Variants in RALA observed in about 807,000 individuals in gnomAD.
RALA encodes ras-related protein Ral-A.
A neutral mutation model predicts 24.0 loss-of-function variants in RALA; 5 were observed. The ratio of observed to expected loss-of-function variants is 0.21; its 90% CI spans 0.11 to 0.44. RALA has a LOEUF of 0.44. Among genes scored for constraint, RALA ranks in the 20% least tolerant of loss-of-function variants. RALA has a pLI of 0.99. For missense variants in RALA, 95 were observed against 241.2 expected (o/e 0.39, Z 4.01); for synonymous variants, 77 against 83.8 (o/e 0.92, Z 0.44).
At chr7:39,637,565 T>C (rs1791705683) in intron 1 of RALA, among the ~76,000 whole-genome samples, 1 of 152,244 alleles carries the variant, frequency 6.6e-6, no homozygotes, top group Non-Finnish European at 1.5e-5. Context: ...TTTCATTTGT[T>C]CCCTCTGTTA....
At chr7:39,669,307 T>C (rs1299723688) in intron 1 of RALA, among the ~76,000 whole-genome samples, 1 of 152,022 alleles carries the variant, frequency 6.6e-6, no homozygotes, top group Non-Finnish European at 1.5e-5. Flanking sequence ...CCTCTCCCAA[T>C]GCCTAGCATA....
At chr7:39,686,869 T>A (rs1583749780) in intron 2 of RALA, 88 bp downstream of exon 2, 1 of 941,856 alleles carries the variant, frequency 1.1e-6, no homozygotes, top group East Asian at 2.5e-5. Context: ...GTATGGATTG[T>A]TTGAATCCTT....
intron 3 of RALA, among the ~76,000 whole-genome samples, chr7:39,693,473 C>T (rs7805581): frequency 0.23 from 35,439 of 152,006 alleles, 5,000 homozygotes; most frequent in African/African-American, 0.35. Context: ...ATGTAAATGA[C>T]GAGTTGATGG....
chr7:39,656,942 G>T (rs953337030), intron 1 of RALA, among the ~76,000 whole-genome samples: 1 of 151,898 alleles, frequency 6.6e-6, no homozygotes, highest in Non-Finnish European at 1.5e-5. Context: ...TTCCAGTTTT[G>T]TTTGTTTGTT....
At chr7:39,661,148 A>G (rs1479985572) in intron 1 of RALA, among the ~76,000 whole-genome samples, 2 of 152,198 alleles carry the variant, frequency 1.3e-5, no homozygotes, top group Non-Finnish European at 2.9e-5. Flanking sequence ...TATGGGGGAA[A>G]CTGCCCCCAT....
chr7:39,629,721 G>A (rs558294783), intron 1 of RALA, among the ~76,000 whole-genome samples: 59 of 152,096 alleles, frequency 3.9e-4, no homozygotes, highest in Middle Eastern at 3.4e-3. Context: ...TCAGCCTCCC[G>A]AGTAGCTGGG....
intron 1 of RALA, among the ~76,000 whole-genome samples, chr7:39,659,626 C>A (rs1218990118): frequency 6.6e-6 from 1 of 152,144 alleles, no homozygotes; most frequent in Admixed American, 6.5e-5. Context: ...GCATCTGTCT[C>A]CCTTCACTGC....
At chr7:39,680,669 A>G (rs1792578219) in intron 1 of RALA, among the ~76,000 whole-genome samples, 1 of 151,256 alleles carries the variant, frequency 6.6e-6, no homozygotes, top group East Asian at 1.9e-4. Flanking sequence ...TCTTTGATCT[A>G]CTTAGGCTTT....
At chr7:39,664,064 G>A (rs1792244912) in intron 1 of RALA, among the ~76,000 whole-genome samples, 1 of 152,212 alleles carries the variant, frequency 6.6e-6, no homozygotes, top group African/African-American at 2.4e-5. Flanking sequence ...ATATCTGCTT[G>A]AACAGATTTT....
chr7:39,632,741 C>G (rs1791619264), intron 1 of RALA, among the ~76,000 whole-genome samples: 1 of 152,106 alleles, frequency 6.6e-6, no homozygotes, highest in Non-Finnish European at 1.5e-5. Context: ...CACTTGAGCC[C>G]AGGAGGGGAG....
intron 1 of RALA, among the ~76,000 whole-genome samples, chr7:39,655,193 C>T (rs6462939): frequency 0.45 from 69,101 of 152,078 alleles, 16,526 homozygotes; most frequent in Non-Finnish European, 0.52. Flanking sequence ...TGTCCATCAA[C>T]AGGTGAATGA....
At chr7:39,695,577 A>AT (rs2116095606) in intron 3 of RALA, among the ~76,000 whole-genome samples, 1 of 151,402 alleles carries the variant, frequency 6.6e-6, no homozygotes, top group South Asian at 2.1e-4. Context: ...TTTTTTTTCT[A>AT]TTTTTTATAG....
At chr7:39,647,764 C>T (rs1791951674) in intron 1 of RALA, among the ~76,000 whole-genome samples, 1 of 152,174 alleles carries the variant, frequency 6.6e-6, no homozygotes. Context: ...ACAGTGAGAA[C>T]ACAGCCATCT....
At chr7:39,678,457 G>A (rs188135304) in intron 1 of RALA, among the ~76,000 whole-genome samples, 1 of 152,310 alleles carries the variant, frequency 6.6e-6, no homozygotes, top group Admixed American at 6.5e-5. Flanking sequence ...AAGGAAATAA[G>A]TAGCTCGTAT....
In RALA at chr7:39,673,597, A is replaced by G. The variant is rs148126797; in HGVS notation, c.-37-13034A>G. ...TAATTGTATATGTTATATTCCTTAT[A>G]TAACCATTTACCCTTTGAAATCTCT... On this transcript the variant is annotated intron_variant, in intron 1 of 4. Coordinates refer to ENST00000005257, the MANE Select transcript of RALA (RefSeq NM_005402.4). Among the ~76,000 whole-genome samples the G allele has an allele frequency of 8.5e-4, 129 of 152,324 alleles. 3 individuals are homozygous for G. In the East Asian group the frequency reaches 0.024, roughly 28 times the overall value.
chr7:39,631,322 A>G lies in RALA; in HGVS notation c.-38+7497A>G, dbSNP rs1791595392. ...GGTGCCCGGCCTCATTGCTGTTTTT[A>G]TTGGGATCACATTGAACTTATACTA... On this transcript the variant is annotated intron_variant, in intron 1 of 4. Coordinates refer to ENST00000005257, the MANE Select transcript of RALA (RefSeq NM_005402.4). 2.0e-5 allele frequency among the ~76,000 whole-genome samples: 3 copies of G among 151,672 alleles called. No homozygotes were observed. The South Asian group carries it at 6.2e-4, about 31-fold the overall frequency.
intron 1 of RALA, among the ~76,000 whole-genome samples, chr7:39,625,685 C>T (rs1302560784): frequency 1.3e-5 from 2 of 152,216 alleles, no homozygotes; most frequent in African/African-American, 2.4e-5. Context: ...TTCATTACAA[C>T]ACTTTCTTCA....
At chr7:39,688,485 GTTTA>G (rs1792749761) in intron 2 of RALA, among the ~76,000 whole-genome samples, 3 of 150,986 alleles carry the variant, frequency 2.0e-5, no homozygotes, top group Non-Finnish European at 2.9e-5. Flanking sequence ...GTTTCATACT[GTTTA>G]TTTAAGAGCT....
chr7:39,687,680 A>G (rs896473408), intron 2 of RALA, among the ~76,000 whole-genome samples: 20 of 152,164 alleles, frequency 1.3e-4, no homozygotes, highest in African/African-American at 4.1e-4. Context: ...TGGTAATCCA[A>G]TGTAAGCATT....
Sources: gnomAD v4.1 joint callset for allele counts (sites outside exome capture counted in the v4.1 genomes callset) on GRCh38, gnomAD v4.1.1 for gene constraint, MANE v1.5 for transcripts, NCBI Gene and HGNC (gene_info 2026-07-23, HGNC 2026-07-21) for gene names.